DOCK3: variants seen among roughly 807,000 people sequenced by gnomAD.
DOCK3 encodes the protein dedicator of cytokinesis 3, also known as dedicator of cytokinesis protein 3.
A neutral mutation model predicts 265.6 loss-of-function variants in DOCK3; 60 were observed. The observed-to-expected ratio is 0.23, with a 90% CI of 0.18 to 0.28. The LOEUF (loss-of-function observed/expected upper bound fraction) is 0.28, where lower values mean the gene tolerates loss of function less well. Ranked by LOEUF, DOCK3 falls within the 10% of genes least tolerant of loss-of-function variation. DOCK3 has a pLI of 1.00. For synonymous variants in DOCK3, 881 were observed against 938.0 expected (o/e 0.94, Z 1.11); for missense variants, 1,981 against 2,594.3 (o/e 0.76, Z 5.14).
chr3:51,265,524 T>C (rs983796375), intron 23 of DOCK3, among the ~76,000 whole-genome samples: 1 of 152,212 alleles, frequency 6.6e-6, no homozygotes, highest in Non-Finnish European at 1.5e-5. Context: ...GCTTCATCCC[T>C]GGGATGTAAG....
At chr3:50,861,675 G>C (rs1176682035) in intron 3 of DOCK3, among the ~76,000 whole-genome samples, 1 of 151,540 alleles carries the variant, frequency 6.6e-6, no homozygotes, top group Non-Finnish European at 1.5e-5. Context: ...ATCATTGCAT[G>C]ATGGCCTTCT....
intron 2 of DOCK3, among the ~76,000 whole-genome samples, chr3:50,783,671 A>G (rs1226299745): frequency 1.3e-5 from 2 of 152,006 alleles, no homozygotes; most frequent in Non-Finnish European, 2.9e-5. Flanking sequence ...TCTGCTGATT[A>G]TTTCTTCTGC....
At chr3:51,356,291 C>A (rs1302938291) in intron 42 of DOCK3, 36 bp downstream of exon 42, 1 of 1,612,762 alleles carries the variant, frequency 6.2e-7, no homozygotes, top group Non-Finnish European at 8.5e-7. Context: ...GTACACACAG[C>A]AAGTCCAGGG....
At chr3:50,998,034 G>A (rs750582552) in intron 5 of DOCK3, among the ~76,000 whole-genome samples, 1 of 152,038 alleles carries the variant, frequency 6.6e-6, no homozygotes, top group Non-Finnish European at 1.5e-5. Context: ...AACTTTCTGA[G>A]ATGAGTAATA....
Position 50,719,970 on chromosome 3 carries a change from C to T in DOCK3, c.37+44670C>T, listed in dbSNP as rs180864423. The T allele has an allele frequency of 8.2e-5, 33 of 404,884 alleles. No homozygotes were observed. The Admixed American group carries it at 1.0e-3, about 12-fold the overall frequency. 25.1% of individuals were successfully genotyped at this position (404,884 alleles called of 1,614,324 possible). On this transcript the variant is annotated intron_variant, in intron 1 of 52. Transcript: ENST00000266037. ...GTGATGTCGGGGTTCTGGGTAGTGTCGTTGTCTACAAAGACAGTTCAGATA... is the reference window on the plus strand; with the variant it reads ...GTGATGTCGGGGTTCTGGGTAGTGTTGTTGTCTACAAAGACAGTTCAGATA...
intron 19 of DOCK3, among the ~76,000 whole-genome samples, chr3:51,235,584 G>T (rs1357657379): frequency 6.6e-6 from 1 of 151,740 alleles, no homozygotes; most frequent in East Asian, 1.9e-4. Flanking sequence ...GGCCAGTCTT[G>T]ACCCATCATT....
rs151047857 is a variant in DOCK3 at position 51,132,346 on chromosome 3, G to C, written c.747-14203G>C. Among the ~76,000 whole-genome samples the C allele has an allele frequency of 4.5e-3, 681 of 152,220 alleles. 7 individuals are homozygous for C. Among genetic ancestry groups the C allele is most frequent in the African/African-American group, 0.015 (637 of 41,536 alleles). ...ACTCAAGCAGTTCTTTTCAAGTGTA[G>C]CACACCTCCTTATGAGTCACACTCT... On this transcript the variant is annotated intron_variant, in intron 9 of 52. Transcript: ENST00000266037.
chr3:51,073,996 C>G (rs900945154), intron 6 of DOCK3, among the ~76,000 whole-genome samples: 3 of 152,060 alleles, frequency 2.0e-5, no homozygotes, highest in African/African-American at 7.2e-5. Flanking sequence ...TGGATGTGCA[C>G]CTGATTTTAT....
chr3:51,336,515 CCA>C (rs2084887943), intron 35 of DOCK3, among the ~76,000 whole-genome samples: 1 of 152,138 alleles, frequency 6.6e-6, no homozygotes, highest in African/African-American at 2.4e-5. Context: ...CCCAGCCAGC[CCA>C]CTACTCAGGT....
intron 3 of DOCK3, among the ~76,000 whole-genome samples, chr3:50,873,822 T>A (rs187481012): frequency 6.6e-6 from 1 of 152,342 alleles, no homozygotes. Context: ...TCTGCTCTAA[T>A]GGAACAGCTT....
In DOCK3 at chr3:51,382,407, C is replaced by G. The variant is rs565161193; in HGVS notation, c.*848C>G. ...AGAGGCTATCCTAGCTACCTTCCTC[C>G]TAGGGGGAGCTGGTCCCCTTCCTAT... On this transcript the variant is annotated 3_prime_UTR_variant, in exon 53 of 53. Coordinates refer to ENST00000266037, the MANE Select transcript of DOCK3 (RefSeq NM_004947.5). 6.5e-6 allele frequency: 1 copy of G among 152,674 alleles called. No individual in the cohort carries two copies. The highest frequency in any genetic ancestry group is 1.5e-5 in the Non-Finnish European group (1 of 68,018). The allele number at this position is 152,674 out of a possible 1,614,324, so 9.5% of individuals were successfully genotyped here.
At chr3:51,192,737 G>C (rs758109333) in intron 12 of DOCK3, among the ~76,000 whole-genome samples, 1 of 152,056 alleles carries the variant, frequency 6.6e-6, no homozygotes, top group Non-Finnish European at 1.5e-5. Context: ...AGGGGCAAAT[G>C]GGAAGTGTGC....
chr3:50,717,597 T>C (rs2037198385), intron 1 of DOCK3, among the ~76,000 whole-genome samples: 1 of 152,182 alleles, frequency 6.6e-6, no homozygotes, highest in Admixed American at 6.6e-5. Flanking sequence ...TGTCCGCACC[T>C]GATACTAATA....
At chr3:50,877,601 C>T in intron 3 of DOCK3, 1 of 515,058 alleles carries the variant, frequency 1.9e-6, no homozygotes. Flanking sequence ...CTGAACAAGA[C>T]AGTGGCTTTC....
At chr3:50,914,605 C>G (rs2050023764) in intron 4 of DOCK3, among the ~76,000 whole-genome samples, 1 of 152,082 alleles carries the variant, frequency 6.6e-6, no homozygotes, top group African/African-American at 2.4e-5. Context: ...GTGTTGTGGC[C>G]TAACATACAG....
intron 5 of DOCK3, among the ~76,000 whole-genome samples, chr3:50,995,798 A>G (rs1559913090): frequency 2.0e-5 from 3 of 152,212 alleles, no homozygotes; most frequent in Non-Finnish European, 4.4e-5. Context: ...AGACTGGGCA[A>G]AGTCTCAGAA....
intron 14 of DOCK3, among the ~76,000 whole-genome samples, chr3:51,219,948 C>T (rs2108288760): frequency 6.6e-6 from 1 of 152,296 alleles, no homozygotes; most frequent in African/African-American, 2.4e-5. Context: ...ATGCCCATAC[C>T]TCTCATCCTG....
intron 9 of DOCK3, among the ~76,000 whole-genome samples, chr3:51,096,835 T>C (rs1181888939): frequency 6.6e-6 from 1 of 152,232 alleles, no homozygotes; most frequent in Admixed American, 6.5e-5. Flanking sequence ...TGTGTGGACA[T>C]CCTTTTTGTT....
intron 5 of DOCK3, among the ~76,000 whole-genome samples, chr3:51,013,475 G>A (rs551861953): frequency 6.6e-6 from 1 of 152,324 alleles, no homozygotes. Context: ...GGTATCACCA[G>A]TGGAGGCTGC....
Sources: allele counts gnomAD v4.1 joint callset (sites outside exome capture counted in the v4.1 genomes callset), GRCh38; gene constraint gnomAD v4.1.1; transcripts MANE v1.5; gene names NCBI Gene and HGNC (gene_info 2026-07-23, HGNC 2026-07-21).